RIMS1: variants seen among roughly 807,000 people sequenced by gnomAD.
The protein encoded by RIMS1 is regulating synaptic membrane exocytosis 1.
Under a neutral mutation model 214.1 loss-of-function variants are expected in RIMS1, and 83 were observed. The ratio of observed to expected loss-of-function variants is 0.39; its 90% confidence interval spans 0.32 to 0.47. The LOEUF is 0.47. Ranked by LOEUF, RIMS1 falls within the 20% of genes least tolerant of loss-of-function variation. The pLI is 0.99. For synonymous variants in RIMS1, 793 were observed against 786.8 expected (o/e 1.01, Z -0.13); for missense variants, 2,050 against 2,161.8 (o/e 0.95, Z 1.03).
At chr6:72,213,049 C>T in intron 6 of RIMS1, 1 of 1,530,144 alleles carries the variant, frequency 6.5e-7, no homozygotes, top group Non-Finnish European at 8.7e-7. Flanking sequence ...TAGATAAGAT[C>T]TTGAGCAGCA....
At chr6:72,395,220 A>T (rs1322917286) in intron 31 of RIMS1, among the ~76,000 whole-genome samples, 1 of 152,062 alleles carries the variant, frequency 6.6e-6, no homozygotes, top group Non-Finnish European at 1.5e-5. Context: ...GAATAGAGAG[A>T]CAGTTTTTGG....
At chr6:72,333,340 T>C (rs537205345) in intron 28 of RIMS1, among the ~76,000 whole-genome samples, 8 of 152,034 alleles carry the variant, frequency 5.3e-5, no homozygotes, top group African/African-American at 1.7e-4. Context: ...ATGGCATTTG[T>C]TGCACTTATT....
At chr6:72,035,771 G>T (rs1413723707) in intron 2 of RIMS1, among the ~76,000 whole-genome samples, 1 of 152,048 alleles carries the variant, frequency 6.6e-6, no homozygotes, top group East Asian at 1.9e-4. Flanking sequence ...CCAGGTAGGG[G>T]TTTATACCAG....
At chr6:72,264,167 A>G (rs1490800800) in intron 19 of RIMS1, among the ~76,000 whole-genome samples, 2 of 152,152 alleles carry the variant, frequency 1.3e-5, no homozygotes, top group Non-Finnish European at 2.9e-5. Context: ...CTTTACTGCT[A>G]GCTGAGATAG....
At chr6:72,327,459 C>T (rs141771687) in intron 28 of RIMS1, among the ~76,000 whole-genome samples, 238 of 151,590 alleles carry the variant, frequency 1.6e-3, no homozygotes, top group African/African-American at 5.4e-3. Context: ...TTGACTTTTG[C>T]GAATAATTTT....
At position 72,007,850 on chromosome 6, in the gene RIMS1, G is replaced by A. The variant is rs541033462; in HGVS notation, c.245+38787G>A. Among the ~76,000 whole-genome samples the A allele has an allele frequency of 1.0e-3, 156 of 152,314 alleles. 1 individual carries two copies. The highest frequency in any genetic ancestry group is 3.3e-3 in the African/African-American group (136 of 41,570). ...AAAAGACCAAATCTATGTCTGATTG[G>A]TGTACCTGAAAGTGACGGGGAGAAT... On this transcript the variant is annotated intron_variant, in intron 2 of 33. Coordinates refer to ENST00000521978, the MANE Select transcript of RIMS1 (RefSeq NM_014989.7).
chr6:72,029,814 T>A (rs1006829871), intron 2 of RIMS1, among the ~76,000 whole-genome samples: 1 of 152,164 alleles, frequency 6.6e-6, no homozygotes, highest in Admixed American at 6.6e-5. Context: ...TCCAAAGATG[T>A]AGCTAATGTA....
chr6:71,969,542 C>T (rs556889250), intron 2 of RIMS1, among the ~76,000 whole-genome samples: 1 of 152,300 alleles, frequency 6.6e-6, no homozygotes, highest in Admixed American at 6.5e-5. Flanking sequence ...GGCACGGTGG[C>T]TCATGCCCGT....
chr6:72,313,964 G>T (rs1425281441), intron 28 of RIMS1, among the ~76,000 whole-genome samples: 1 of 152,112 alleles, frequency 6.6e-6, no homozygotes, highest in Non-Finnish European at 1.5e-5. Flanking sequence ...TTCTTTAAAG[G>T]GACAGACAGT....
chr6:71,906,950 G>A (rs1414333005), intron 1 of RIMS1, among the ~76,000 whole-genome samples: 1 of 151,558 alleles, frequency 6.6e-6, no homozygotes, highest in East Asian at 1.9e-4. Context: ...ATAAAGACAG[G>A]TGCATCTACA....
At chr6:72,134,108 G>A (rs1479643211) in intron 4 of RIMS1, among the ~76,000 whole-genome samples, 1 of 151,962 alleles carries the variant, frequency 6.6e-6, no homozygotes, top group Admixed American at 6.6e-5. Flanking sequence ...AATTTTCAAT[G>A]TCTTCCTTTA....
At chr6:72,065,102 G>T (rs1343753923) in intron 2 of RIMS1, among the ~76,000 whole-genome samples, 1 of 152,150 alleles carries the variant, frequency 6.6e-6, no homozygotes, top group African/African-American at 2.4e-5. Flanking sequence ...TGTGATTAGA[G>T]AACATGTCCT....
chr6:71,897,072 AGT>A (rs1249214810), intron 1 of RIMS1, among the ~76,000 whole-genome samples: 2 of 152,144 alleles, frequency 1.3e-5, no homozygotes, highest in Non-Finnish European at 2.9e-5. Context: ...GCCTAAACGC[AGT>A]GTCTCTGTAT....
At chr6:72,087,941 G>A (rs1835095981) in intron 2 of RIMS1, among the ~76,000 whole-genome samples, 1 of 152,160 alleles carries the variant, frequency 6.6e-6, no homozygotes, top group Admixed American at 6.5e-5. Flanking sequence ...CAATTGAGAT[G>A]TCTATCGTGC....
At chr6:72,077,771 G>A (rs768873218) in intron 2 of RIMS1, among the ~76,000 whole-genome samples, 1 of 152,208 alleles carries the variant, frequency 6.6e-6, no homozygotes, top group Non-Finnish European at 1.5e-5. Context: ...ATAAAGCTTA[G>A]ATGGACTAAT....
chr6:71,990,706 G>A (rs967758865), intron 2 of RIMS1, among the ~76,000 whole-genome samples: 1 of 152,094 alleles, frequency 6.6e-6, no homozygotes, highest in African/African-American at 2.4e-5. Flanking sequence ...TGGGATGTGG[G>A]TGTCCCTGAC....
At chr6:72,112,263 A>T (rs1332910289) in intron 4 of RIMS1, among the ~76,000 whole-genome samples, 1 of 152,002 alleles carries the variant, frequency 6.6e-6, no homozygotes. Context: ...CCAAGACACC[A>T]TCTAGTCTGG....
At chr6:71,903,311 G>T (rs1192080598) in intron 1 of RIMS1, among the ~76,000 whole-genome samples, 1 of 152,024 alleles carries the variant, frequency 6.6e-6, no homozygotes, top group Non-Finnish European at 1.5e-5. Flanking sequence ...ATGTTGATTG[G>T]CCGCATGAAT....
intron 9 of RIMS1, among the ~76,000 whole-genome samples, chr6:72,241,374 T>C (rs1029336681): frequency 1.3e-5 from 2 of 152,194 alleles, no homozygotes; most frequent in Admixed American, 6.5e-5. Flanking sequence ...CAGCTGAGAC[T>C]ACCATTTTGA....
Sources: allele counts gnomAD v4.1 joint callset (sites outside exome capture counted in the v4.1 genomes callset), GRCh38; gene constraint gnomAD v4.1.1; transcripts MANE v1.5; gene names NCBI Gene and HGNC (gene_info 2026-07-23, HGNC 2026-07-21).